OPHN1: variants seen among roughly 807,000 people sequenced by gnomAD.
OPHN1 encodes the protein oligophrenin-1.
In OPHN1, 11 loss-of-function variants were observed where a neutral mutation model predicts 60.7. That is an observed-to-expected ratio of 0.18 (90% CI 0.11 to 0.30). The LOEUF (loss-of-function observed/expected upper bound fraction) is 0.30. Among genes scored for constraint, OPHN1 ranks in the 10% least tolerant of loss-of-function variants. The probability of loss-of-function intolerance (pLI) is 1.00; values close to 1 mark genes in which losing one functional copy is unlikely to be tolerated. For missense variants in OPHN1, 449 were observed against 611.0 expected, an observed-to-expected ratio of 0.73 and a Z score of 2.80; for synonymous variants, 226 against 222.6, an observed-to-expected ratio of 1.02 and a Z score of -0.14.
chrX:68,207,034 A>G (rs2077562559), intron 9 of OPHN1, among the ~76,000 whole-genome samples: 1 of 111,729 alleles, frequency 9.0e-6, no homozygotes, highest in African/African-American at 3.3e-5. Flanking sequence ...TCTAACCTGT[A>G]CATGACTCTA....
intron 5 of OPHN1, among the ~76,000 whole-genome samples, chrX:68,270,187 C>T (rs2077959602): frequency 1.8e-5 from 2 of 111,126 alleles, no homozygotes; most frequent in African/African-American, 6.6e-5. Flanking sequence ...GTGGCAATTC[C>T]TCAGGGATCT....
chrX:68,181,590 C>T (rs1472597874), intron 15 of OPHN1, among the ~76,000 whole-genome samples: 3 of 110,850 alleles, frequency 2.7e-5, no homozygotes, highest in Non-Finnish European at 5.7e-5. Context: ...TTTAAGAGGC[C>T]GAGGCAGGTG....
chrX:68,379,823 G>T (rs188431908), intron 2 of OPHN1, among the ~76,000 whole-genome samples: 3 of 105,213 alleles, frequency 2.9e-5, no homozygotes, highest in African/African-American at 3.8e-5. Flanking sequence ...GCTGGATTCC[G>T]TTTGCCAGTA....
intron 2 of OPHN1, among the ~76,000 whole-genome samples, chrX:68,395,449 T>C (rs2078678403): frequency 9.9e-6 from 1 of 100,521 alleles, no homozygotes; most frequent in African/African-American, 3.6e-5. Flanking sequence ...TCTCTCTCTC[T>C]TTTTTTTTTT....
chrX:68,422,699 A>AAG (rs202003559), intron 2 of OPHN1, among the ~76,000 whole-genome samples: 4 of 85,309 alleles, frequency 4.7e-5, no homozygotes, highest in Non-Finnish European at 6.5e-5. Flanking sequence ...GAAAGAAGGA[A>AAG]AGAGAGAGAG....
At chrX:68,362,594 T>C (rs2078478771) in intron 2 of OPHN1, among the ~76,000 whole-genome samples, 1 of 111,067 alleles carries the variant, frequency 9.0e-6, no homozygotes, top group Non-Finnish European at 1.9e-5. Context: ...TATACATAGA[T>C]GAAAGCATCA....
rs983801508 is a variant in OPHN1 at position 68,061,275 on chromosome X, T to C, written c.2158+2579A>G. Among the ~76,000 whole-genome samples, 5 of 111,189 alleles carry C rather than the reference T, an allele frequency of 4.5e-5. No homozygotes were observed. In the Admixed American group the frequency reaches 4.8e-4, roughly 11 times the overall value. On this transcript the variant is annotated intron_variant, in intron 21 of 24. Transcript: ENST00000355520. ...ATTAGCTGAGACCATTAGATCAGAG[T>C]AGCTGCCGCCAGCAGCCCAGGGTAG...
At chrX:68,368,381 A>G (rs1337930974) in intron 2 of OPHN1, among the ~76,000 whole-genome samples, 2 of 111,033 alleles carry the variant, frequency 1.8e-5, no homozygotes, top group Admixed American at 1.9e-4. Context: ...TAATAAAAAC[A>G]AAAAACAAAT....
intron 2 of OPHN1, among the ~76,000 whole-genome samples, chrX:68,318,020 A>C (rs1406871941): frequency 1.8e-5 from 2 of 112,363 alleles, no homozygotes; most frequent in African/African-American, 6.5e-5. Flanking sequence ...CTGTAAAACA[A>C]CACCAAGCAA....
intron 21 of OPHN1, among the ~76,000 whole-genome samples, chrX:68,061,957 T>C (rs1260715052): frequency 8.9e-6 from 1 of 112,093 alleles, no homozygotes; most frequent in Non-Finnish European, 1.9e-5. Context: ...GAAGAAATTT[T>C]TCCCTGGCCT....
intron 2 of OPHN1, among the ~76,000 whole-genome samples, chrX:68,411,037 T>C (rs747705423): frequency 8.9e-6 from 1 of 112,102 alleles, no homozygotes; most frequent in African/African-American, 3.2e-5. Flanking sequence ...AAAAATCAAC[T>C]GACAAAAGGC....
At chrX:68,213,609 G>A (rs766327438) in intron 7 of OPHN1, among the ~76,000 whole-genome samples, 1 of 107,202 alleles carries the variant, frequency 9.3e-6, no homozygotes, top group Admixed American at 1.0e-4. Context: ...ATTCCGGAAG[G>A]GGGGAGGAAA....
intron 3 of OPHN1, 151 bp from the exon 4 acceptor site, chrX:68,283,268 T>C: frequency 2.2e-6 from 1 of 464,340 alleles, no homozygotes; most frequent in Non-Finnish European, 3.8e-6. Flanking sequence ...AAAGCAGGTG[T>C]TCAGCACCTG....
intron 2 of OPHN1, among the ~76,000 whole-genome samples, chrX:68,431,923 T>C (rs937040269): frequency 2.7e-5 from 3 of 110,936 alleles, no homozygotes; most frequent in Non-Finnish European, 3.8e-5. Flanking sequence ...AGAGAAAAAA[T>C]TAATTATCAC....
At chrX:68,124,136 AAAG>A (rs1381133598) in intron 15 of OPHN1, among the ~76,000 whole-genome samples, 1 of 111,687 alleles carries the variant, frequency 9.0e-6, no homozygotes, top group African/African-American at 3.2e-5. Flanking sequence ...TGTAAGAGAC[AAAG>A]AAGATCATCT....
chrX:68,307,568 T>C (rs2078152107), intron 2 of OPHN1, among the ~76,000 whole-genome samples: 1 of 109,962 alleles, frequency 9.1e-6, no homozygotes, highest in Non-Finnish European at 1.9e-5. Context: ...CTATAGAAAA[T>C]TGTTCTGAGA....
intron 15 of OPHN1, among the ~76,000 whole-genome samples, chrX:68,126,415 A>G (rs746107596): frequency 4.5e-5 from 5 of 111,142 alleles, no homozygotes; most frequent in Non-Finnish European, 9.4e-5. Context: ...TACTTCTCAG[A>G]GAATGGCAAT....
intron 7 of OPHN1, among the ~76,000 whole-genome samples, 174 bp downstream of exon 7, chrX:68,213,686 AAG>A (rs1255482427): frequency 1.8e-5 from 2 of 110,781 alleles, no homozygotes; most frequent in Admixed American, 9.6e-5. Context: ...GTTGGGGGGA[AAG>A]AGAGAAAAAA....
At chrX:68,147,601 C>T (rs950828107) in intron 15 of OPHN1, among the ~76,000 whole-genome samples, 2 of 111,410 alleles carry the variant, frequency 1.8e-5, no homozygotes, top group East Asian at 5.6e-4. Context: ...AAAAATAGCA[C>T]CCAGTTTATA....
Sources: gnomAD v4.1 joint callset for allele counts (sites outside exome capture counted in the v4.1 genomes callset) on GRCh38, gnomAD v4.1.1 for gene constraint, MANE v1.5 for transcripts, NCBI Gene and HGNC (gene_info 2026-07-23, HGNC 2026-07-21) for gene names.